COL14A1: variants seen among roughly 807,000 people sequenced by gnomAD.
The protein encoded by COL14A1 is collagen type XIV alpha 1 chain.
Under a neutral mutation model 230.3 loss-of-function variants are expected in COL14A1, and 136 were observed. The observed-to-expected ratio is 0.59, with a 90% CI of 0.51 to 0.68. The LOEUF (loss-of-function observed/expected upper bound fraction) is 0.68. COL14A1 is among the 30% of genes least tolerant of loss of function. COL14A1 has a pLI of 0.00. For synonymous variants in COL14A1, 792 were observed against 784.1 expected (o/e 1.01, Z -0.17); for missense variants, 1,976 against 2,215.8 (o/e 0.89, Z 2.17).
intron 1 of COL14A1, among the ~76,000 whole-genome samples, chr8:120,135,639 T>C (rs1814686126): frequency 6.6e-6 from 1 of 152,180 alleles, no homozygotes; most frequent in African/African-American, 2.4e-5. Context: ...TTAGAGAATA[T>C]TTGTCCATGA....
At chr8:120,323,184 T>G (rs1821519479) in intron 40 of COL14A1, among the ~76,000 whole-genome samples, 1 of 152,236 alleles carries the variant, frequency 6.6e-6, no homozygotes, top group Non-Finnish European at 1.5e-5. Context: ...TGAGCTTTTT[T>G]TTCATATGTT....
intron 34 of COL14A1, among the ~76,000 whole-genome samples, chr8:120,291,855 C>T (rs1820386643): frequency 6.6e-6 from 1 of 151,990 alleles, no homozygotes; most frequent in Non-Finnish European, 1.5e-5. Flanking sequence ...ACATTTCACT[C>T]CTCTAACCAG....
At chr8:120,247,496 C>A in intron 20 of COL14A1, 117 bp from the exon 21 acceptor site, 1 of 995,102 alleles carries the variant, frequency 1.0e-6, no homozygotes, top group Non-Finnish European at 1.4e-6. Flanking sequence ...AGTGCACTTT[C>A]ACTTTTAAAT....
intron 13 of COL14A1, 106 bp from the exon 14 acceptor site, chr8:120,216,245 G>A: frequency 1.2e-6 from 1 of 838,616 alleles, no homozygotes; most frequent in Non-Finnish European, 1.8e-6. Context: ...TTATTATCTA[G>A]GTGACACTTT....
At chr8:120,307,218 G>A (rs542149878) in intron 36 of COL14A1, among the ~76,000 whole-genome samples, 7 of 152,222 alleles carry the variant, frequency 4.6e-5, no homozygotes, top group African/African-American at 1.7e-4. Flanking sequence ...CCTTTATCTA[G>A]GGATGAAAGG....
chr8:120,208,970 A>G (rs1279943058), intron 11 of COL14A1, among the ~76,000 whole-genome samples: 1 of 152,170 alleles, frequency 6.6e-6, no homozygotes, highest in Non-Finnish European at 1.5e-5. Flanking sequence ...GCAAGTCACT[A>G]TGCAAAATTG....
chr8:120,174,055 C>A (rs1033199365), intron 5 of COL14A1, among the ~76,000 whole-genome samples: 1 of 152,072 alleles, frequency 6.6e-6, no homozygotes, highest in African/African-American at 2.4e-5. Flanking sequence ...TGGCACATTT[C>A]CAGAAGTTGA....
intron 14 of COL14A1, among the ~76,000 whole-genome samples, chr8:120,224,408 T>C (rs183665842): frequency 3.3e-5 from 5 of 152,304 alleles, no homozygotes. Context: ...CTCAGAGTAC[T>C]GCGGGGGATC....
intron 9 of COL14A1, among the ~76,000 whole-genome samples, chr8:120,205,984 A>G (rs1817417190): frequency 6.6e-6 from 1 of 151,954 alleles, no homozygotes; most frequent in East Asian, 1.9e-4. Flanking sequence ...AACATGTGTA[A>G]CACACACACA....
chr8:120,315,445 G>C (rs532940875), intron 38 of COL14A1, 88 bp from the exon 39 acceptor site: 52 of 958,366 alleles, frequency 5.4e-5, no homozygotes, highest in Admixed American at 1.7e-4. Context: ...GATTTACTGT[G>C]GAAACTATTT....
chr8:120,286,351 C>G (rs1366134916), intron 33 of COL14A1, among the ~76,000 whole-genome samples: 1 of 152,090 alleles, frequency 6.6e-6, no homozygotes, highest in Non-Finnish European at 1.5e-5. Context: ...GCACAATCAG[C>G]TGAATCATCT....
intron 35 of COL14A1, among the ~76,000 whole-genome samples, chr8:120,298,454 A>C (rs1820595480): frequency 6.6e-6 from 1 of 151,100 alleles, no homozygotes; most frequent in South Asian, 2.1e-4. Flanking sequence ...ATACCAAGTG[A>C]TGGTGTAAAT....
At chr8:120,308,681 C>T (rs1820926897) in intron 36 of COL14A1, among the ~76,000 whole-genome samples, 2 of 152,190 alleles carry the variant, frequency 1.3e-5, no homozygotes. Flanking sequence ...TTAAAGATCA[C>T]CTGACCCAGT....
chr8:120,368,559 C>T (rs1176702648), intron 46 of COL14A1, among the ~76,000 whole-genome samples: 12 of 150,548 alleles, frequency 8.0e-5, no homozygotes, highest in Admixed American at 2.7e-4. Context: ...TTGAAGAATG[C>T]CTTTTCAACA....
intron 22 of COL14A1, 88 bp from the exon 23 acceptor site, chr8:120,255,152 G>T: frequency 9.9e-7 from 1 of 1,011,314 alleles, no homozygotes; most frequent in South Asian, 1.3e-5. Flanking sequence ...AGCTTTGAAT[G>T]AAAATTTTTC....
At chr8:120,174,779 G>T (rs530514161) in intron 5 of COL14A1, among the ~76,000 whole-genome samples, 7 of 152,104 alleles carry the variant, frequency 4.6e-5, no homozygotes, top group Non-Finnish European at 7.4e-5. Flanking sequence ...TTGTGAGAGC[G>T]CTGGTTATGT....
chr8:120,270,114 C>A lies in COL14A1; in HGVS notation c.3153C>A (p.Ile1051=). Reference sequence around the variant, plus strand: ...TTGGAGATGAAAATTTCAATAAGATCATCAGCTTTCTATACAGCACTGTTG... The same window carrying A: ...TTGGAGATGAAAATTTCAATAAGATAATCAGCTTTCTATACAGCACTGTTG... ...WSIGDENFNK[I]ISFLYSTVGA... Residue 1051 remains isoleucine, a synonymous_variant, in exon 26 of 48, where the codon ATC becomes ATA. Coordinates refer to ENST00000297848, the MANE Select transcript of COL14A1 (RefSeq NM_021110.4). 1 of 1,611,568 alleles carries A rather than the reference C, an allele frequency of 6.2e-7. No individual in the cohort carries two copies. Among genetic ancestry groups the A allele is most frequent in the African/African-American group, 1.3e-5 (1 of 74,832 alleles).
chr8:120,208,820 G>T (rs1281651983), intron 11 of COL14A1, among the ~76,000 whole-genome samples: 1 of 151,874 alleles, frequency 6.6e-6, no homozygotes, highest in Non-Finnish European at 1.5e-5. Flanking sequence ...TTCCCTCCCT[G>T]GGTAGGATCG....
At chr8:120,332,786 A>G (rs1586872762) in intron 42 of COL14A1, 51 bp downstream of exon 42, 1 of 1,437,332 alleles carries the variant, frequency 7.0e-7, no homozygotes, top group Non-Finnish European at 9.7e-7. Context: ...CATCACGTTT[A>G]TTTATGTGTT....
Sources: gnomAD v4.1 joint callset for allele counts (sites outside exome capture counted in the v4.1 genomes callset) on GRCh38, gnomAD v4.1.1 for gene constraint, MANE v1.5 for transcripts, NCBI Gene and HGNC (gene_info 2026-07-23, HGNC 2026-07-21) for gene names.